Variants in FANCM observed in about 807,000 individuals in gnomAD.
FANCM encodes the protein FA complementation group M.
FANCM carries 140 observed loss-of-function variants against 199.5 expected under a neutral mutation model. The ratio of observed to expected loss-of-function variants is 0.70; its 90% confidence interval spans 0.61 to 0.81. The LOEUF (loss-of-function observed/expected upper bound fraction) is 0.81. Among genes scored for constraint, FANCM ranks in the 30% least tolerant of loss-of-function variants. The pLI is 0.00. For missense variants in FANCM, 2,410 were observed against 2,421.4 expected, an observed-to-expected ratio of 1.00 and a Z score of 0.10; for synonymous variants, 840 against 836.8, an observed-to-expected ratio of 1.00 and a Z score of -0.07.
At chr14:45,192,614 G>C (rs1889832493) in intron 20 of FANCM, among the ~76,000 whole-genome samples, 1 of 152,092 alleles carries the variant, frequency 6.6e-6, no homozygotes. Context: ...CTGCACTCCA[G>C]CCTGTGCAAC....
At chr14:45,180,219 C>T (rs74046557) in intron 14 of FANCM, among the ~76,000 whole-genome samples, 108 of 152,242 alleles carry the variant, frequency 7.1e-4, no homozygotes, top group African/African-American at 2.5e-3. Context: ...TTCTATACAA[C>T]AGGAGTTTAA....
chr14:45,147,672 T>G (rs908461251), intron 3 of FANCM, among the ~76,000 whole-genome samples: 6 of 151,872 alleles, frequency 4.0e-5, no homozygotes, highest in Non-Finnish European at 8.8e-5. Flanking sequence ...GGTGGGCGGA[T>G]CACAGAAGTC....
intron 2 of FANCM, 154 bp downstream of exon 2, chr14:45,137,395 T>C (rs1885599901): frequency 1.2e-5 from 8 of 653,748 alleles, no homozygotes; most frequent in East Asian, 2.7e-5. Context: ...AGAATATCTG[T>C]ACTTTCTGTC....
intron 3 of FANCM, among the ~76,000 whole-genome samples, chr14:45,146,165 C>G (rs1045877757): frequency 5.0e-5 from 7 of 140,918 alleles, no homozygotes; most frequent in African/African-American, 7.8e-5. Context: ...GGCGTGAACC[C>G]GGGAGGCAGA....
intron 14 of FANCM, among the ~76,000 whole-genome samples, chr14:45,179,785 C>T (rs1188571661): frequency 6.6e-6 from 1 of 152,052 alleles, no homozygotes; most frequent in Non-Finnish European, 1.5e-5. Context: ...TGGTCTCGGA[C>T]TCCTGACCAT....
At chr14:45,149,844 G>A (rs888171710) in intron 4 of FANCM, among the ~76,000 whole-genome samples, 2 of 151,950 alleles carry the variant, frequency 1.3e-5, no homozygotes, top group African/African-American at 4.8e-5. Flanking sequence ...GGAGAGAAGG[G>A]GGAGGTAACA....
intron 3 of FANCM, among the ~76,000 whole-genome samples, chr14:45,148,632 A>G (rs1458837604): frequency 6.6e-6 from 1 of 152,174 alleles, no homozygotes; most frequent in Non-Finnish European, 1.5e-5. Flanking sequence ...GTGTGGGGAA[A>G]AGATGTTTCG....
Position 45,187,636 on chromosome 14 carries a change from A to G in FANCM, c.4673-145A>G, listed in dbSNP as rs542662744. Reference sequence around the variant, plus strand: ...TATATTTTTGAATAATTGTTTATAGATATCTTTTAATATTTATTGTCTTTG... The same window carrying G: ...TATATTTTTGAATAATTGTTTATAGGTATCTTTTAATATTTATTGTCTTTG... On this transcript the variant is annotated intron_variant, in intron 18 of 22. Transcript: ENST00000267430. 1.3e-4 allele frequency: 74 copies of G among 557,826 alleles called. No individual in the cohort carries two copies. The African/African-American group carries it at 1.3e-3, about 10-fold the overall frequency. 34.6% of individuals were successfully genotyped at this position (557,826 alleles called of 1,614,324 possible). A position where few individuals can be genotyped will look rare whatever the true frequency, so the allele number is the denominator to read the frequency against.
chr14:45,176,518 C>T lies in FANCM; in HGVS notation c.3764C>T (p.Pro1255Leu), dbSNP rs1219184908. The change falls in exon 14 of 23, where the codon CCT becomes CTT. Residue 1255 changes from proline (P) to leucine (L), a missense_variant. By Grantham distance (98) the Pro-to-Leu change is moderately conservative. Coordinates refer to ENST00000267430, the MANE Select transcript of FANCM (RefSeq NM_020937.4). ...GAACATACATCAGATAGCAATAGAC[C>T]TCTAGATGATCTATATGGAAGGTAT... ...ILEHTSDSNR[P>L]LDDLYGRYLE... The T allele has an allele frequency of 2.5e-6, 4 of 1,602,640 alleles. No individual in the cohort carries two copies. The highest frequency in any genetic ancestry group is 3.4e-6 in the Non-Finnish European group (4 of 1,174,426).
chr14:45,193,992 C>T (rs1233241243), intron 20 of FANCM, among the ~76,000 whole-genome samples: 1 of 151,964 alleles, frequency 6.6e-6, no homozygotes, highest in African/African-American at 2.4e-5. Flanking sequence ...TTAAAATCTG[C>T]AAAAGAATTT....
At chr14:45,136,930 G>A (rs1008383699) in intron 1 of FANCM, 139 bp from the exon 2 acceptor site, 4 of 737,282 alleles carry the variant, frequency 5.4e-6, no homozygotes, top group African/African-American at 5.3e-5. Context: ...ACTTTAAAAT[G>A]TAGCATTCCG....
rs956325929 is a variant in FANCM at position 45,173,211 on chromosome 14, G to A, written c.2316+1G>A. ...GATAGAGGGAATGAGACACGAAGAG[G>A]TGGGGTTTTATTGTAACTTTCTCTT... is the stretch of plus-strand genomic sequence containing the variant. On this transcript the variant is annotated splice_donor_variant, in intron 13 of 22. Transcript: ENST00000267430. LOFTEE classifies it high-confidence loss of function. 1 of 1,613,422 alleles carries A rather than the reference G, an allele frequency of 6.2e-7. No individual in the cohort carries two copies. The highest frequency in any genetic ancestry group is 2.2e-5 in the East Asian group (1 of 44,828).
At chr14:45,149,285 G>GCACACACA (rs147489712) in intron 4 of FANCM, among the ~76,000 whole-genome samples, 2 of 147,992 alleles carry the variant, frequency 1.4e-5, no homozygotes, top group Admixed American at 6.8e-5. Context: ...TATAGAACAT[G>GCACACACA]CACACACACA....
At position 45,189,351 on chromosome 14, in the gene FANCM, G is replaced by C. The variant is rs762904594; in HGVS notation, c.5329G>C (p.Val1777Leu). 1 of 1,610,394 alleles carries C rather than the reference G, an allele frequency of 6.2e-7. No individual in the cohort carries two copies. The highest frequency in any genetic ancestry group is 8.5e-7 in the Non-Finnish European group (1 of 1,176,670). The change falls in exon 20 of 23, where the codon GTT becomes CTT. Residue 1777 changes from valine (V) to leucine (L), a missense_variant. Transcript: ENST00000267430. ...DSQKDCRKFP[V>L]PQKDGSALED... ...ACAGAAAGACTGTAGAAAATTTCCA[G>C]TTCCACAGAAGGTATGGATCAAAGA...
chr14:45,140,692 C>A lies in FANCM; in HGVS notation c.742C>A (p.Pro248Thr), dbSNP rs1416073336. ...HFRILALSAT[P>T]GSDIKAVQQV... The stretch of plus-strand genomic sequence containing the variant: ...TAGAATCTTGGCTCTAAGTGCCACA[C>A]CAGGTAGTGATATAAAGGTAAGTAA... The change falls in exon 3 of 23, where the codon CCA becomes ACA. Residue 248 changes from proline (P) to threonine (T), a missense_variant. By Grantham distance (38) the Pro-to-Thr change is conservative. Coordinates refer to ENST00000267430, the MANE Select transcript of FANCM (RefSeq NM_020937.4). 1 of 1,588,238 alleles carries A rather than the reference C, an allele frequency of 6.3e-7. No homozygotes were observed.
At chr14:45,171,400 T>C (rs977327613) in intron 12 of FANCM, among the ~76,000 whole-genome samples, 6 of 152,104 alleles carry the variant, frequency 3.9e-5, no homozygotes, top group Admixed American at 6.6e-5. Context: ...TAGTGGTGAT[T>C]TCTGAGATTT....
rs368457419 is a variant in FANCM, at chr14:45,183,793, A to G, written c.4406A>G (p.Asp1469Gly). Reference protein sequence around the residue: ...PINRSELSSSDESENFPKPCS... With the variant: ...PINRSELSSSGESENFPKPCS... ...TTATAGTCAGAATTATCATCTAGTGATGAGAGTGAGAATTTTCCCAAACCA... is the reference window on the plus strand; with the variant it reads ...TTATAGTCAGAATTATCATCTAGTGGTGAGAGTGAGAATTTTCCCAAACCA... Residue 1469 changes from aspartate (D) to glycine (G), a missense_variant, in exon 17 of 23, where the codon GAT (aspartate) becomes GGT (glycine). Asp to Gly is a moderately conservative substitution (Grantham distance 94). Transcript: ENST00000267430. 8.1e-6 allele frequency: 13 copies of G among 1,608,098 alleles called. No homozygotes were observed. In the African/African-American group the frequency reaches 1.5e-4, roughly 18 times the overall value.
At chr14:45,156,103 A>T (rs1887170242) in intron 8 of FANCM, among the ~76,000 whole-genome samples, 1 of 152,208 alleles carries the variant, frequency 6.6e-6, no homozygotes, top group Admixed American at 6.5e-5. Flanking sequence ...TAGCATGGTT[A>T]TAGAAGACTT....
rs2139205350 is a variant in FANCM, at chr14:45,164,524, G to A, written c.1747G>A (p.Gly583Ser). Residue 583 changes from glycine to serine, a missense_variant, in exon 10 of 23, where the codon GGC (glycine) becomes AGC (serine). Transcript: ENST00000267430. ...GGGTAGAACTGGCCGTAAACGTCAA[G>A]GCAGGATAGTTATTATCCTTTCTGA... ...RMGRTGRKRQ[G>S]RIVIILSEGR... is the part of the protein sequence containing the mutation. 1.2e-6 allele frequency: 2 copies of A among 1,613,540 alleles called. No individual in the cohort carries two copies. Among genetic ancestry groups the A allele is most frequent in the East Asian group, 4.5e-5 (2 of 44,858 alleles).
Sources: allele counts gnomAD v4.1 joint callset (sites outside exome capture counted in the v4.1 genomes callset), GRCh38; gene constraint gnomAD v4.1.1; transcripts MANE v1.5; gene names NCBI Gene and HGNC (gene_info 2026-07-23, HGNC 2026-07-21).